TRMT44: variants seen among roughly 807,000 people sequenced by gnomAD.
TRMT44 encodes the protein probable tRNA (uracil-O(2)-)-methyltransferase.
In TRMT44, 78 loss-of-function variants were observed where a neutral mutation model predicts 77.3. That is an observed-to-expected ratio of 1.01 (90% CI 0.84 to 1.22). The LOEUF is 1.22. Ranked by LOEUF, TRMT44 falls within the 50% of genes most tolerant of loss-of-function variation. The probability of loss-of-function intolerance (pLI) is 0.00; values close to 1 mark genes in which losing one functional copy is unlikely to be tolerated. For synonymous variants in TRMT44, 391 were observed against 383.3 expected, an observed-to-expected ratio of 1.02 and a Z score of -0.23; for missense variants, 1,090 against 964.4, an observed-to-expected ratio of 1.13 and a Z score of -1.73.
intron 10 of TRMT44, among the ~76,000 whole-genome samples, chr4:8,475,082 A>T (rs1253237458): frequency 6.6e-6 from 1 of 152,102 alleles, no homozygotes; most frequent in Non-Finnish European, 1.5e-5. Context: ...GTTACTCCAC[A>T]CTTGCACCTG....
chr4:8,515,161 T>G, the TRMT44 span, among the ~76,000 whole-genome samples: 21 of 152,156 alleles, frequency 1.4e-4, no homozygotes, highest in African/African-American at 4.8e-4. Context: ...GAGACAGGAT[T>G]TCACCATGCT....
At chr4:8,475,672 G>C in intron 10 of TRMT44, 100 bp from the exon 11 acceptor site, 2 of 1,101,076 alleles carry the variant, frequency 1.8e-6, no homozygotes, top group Non-Finnish European at 2.7e-6. Context: ...CCCTGACCCT[G>C]GATTGGCACC....
At chr4:8,470,779 G>T (rs565624322) in intron 9 of TRMT44, 17 of 209,634 alleles carry the variant, frequency 8.1e-5, no homozygotes, top group Non-Finnish European at 1.5e-4. Context: ...TGGGTCACCA[G>T]TGAGAAGAGC....
chr4:8,448,036 A>G (rs1022233242), intron 2 of TRMT44, among the ~76,000 whole-genome samples: 1 of 152,086 alleles, frequency 6.6e-6, no homozygotes, highest in Non-Finnish European at 1.5e-5. Flanking sequence ...CCAGGGTGGC[A>G]TTTCTAGTCG....
intron 2 of TRMT44, among the ~76,000 whole-genome samples, chr4:8,491,712 C>T (rs1156956418): frequency 6.6e-6 from 1 of 152,234 alleles, no homozygotes; most frequent in Non-Finnish European, 1.5e-5. Flanking sequence ...GAGTGCAGGC[C>T]CGCCAAACCC....
At chr4:8,484,682 A>C (rs1351247295) in intron 2 of TRMT44, among the ~76,000 whole-genome samples, 4 of 152,220 alleles carry the variant, frequency 2.6e-5, no homozygotes. Flanking sequence ...AGTTGTCTTC[A>C]AGGAACAGAA....
chr4:8,494,496 C>T (rs1028486128), downstream of TRMT44, among the ~76,000 whole-genome samples: 3 of 152,256 alleles, frequency 2.0e-5, no homozygotes, highest in African/African-American at 7.2e-5. Flanking sequence ...AAAGACTGAT[C>T]GAGGACTCAA....
chr4:8,458,995 G>A (rs1025181943), intron 6 of TRMT44, among the ~76,000 whole-genome samples: 1 of 151,308 alleles, frequency 6.6e-6, no homozygotes, highest in Non-Finnish European at 1.5e-5. Context: ...GTCCAGGAGT[G>A]CGAGACCAGC....
chr4:8,448,519 TG>T (rs1306920070), intron 2 of TRMT44, among the ~76,000 whole-genome samples: 1 of 152,184 alleles, frequency 6.6e-6, no homozygotes, highest in East Asian at 1.9e-4. Context: ...TGGGGGACCC[TG>T]GGGAAGAGCA....
intron 2 of TRMT44, among the ~76,000 whole-genome samples, chr4:8,489,254 G>A (rs2688231): frequency 0.71 from 107,802 of 152,098 alleles, 39,087 homozygotes; most frequent in African/African-American, 0.86. Flanking sequence ...CAAGGCTGGT[G>A]TCCTGTCCTT....
At chr4:8,503,293 C>T in the TRMT44 span, among the ~76,000 whole-genome samples, 1 of 152,362 alleles carries the variant, frequency 6.6e-6, no homozygotes, top group South Asian at 2.1e-4. Context: ...CCCTACAGCC[C>T]CGGAAAGGGT....
At chr4:8,501,214 AGGG>A in the TRMT44 span, among the ~76,000 whole-genome samples, 1 of 152,136 alleles carries the variant, frequency 6.6e-6, no homozygotes, top group Non-Finnish European at 1.5e-5. The surrounding 1 kb of genome is among the most constrained non-coding windows in gnomAD (Gnocchi z 4.4). Context: ...GTGCATGTGC[AGGG>A]CGGGAGGTGG....
chr4:8,455,012 A>G (rs1725711594), intron 6 of TRMT44, 199 bp downstream of exon 6: 2 of 602,842 alleles, frequency 3.3e-6, no homozygotes, highest in Non-Finnish European at 5.8e-6. Context: ...GGTTAAACTG[A>G]CTGAAGGGCG....
At chr4:8,516,334 T>TCCTGACACCAGCTGTCCTGAGGACCCC in the TRMT44 span, among the ~76,000 whole-genome samples, 1 of 152,108 alleles carries the variant, frequency 6.6e-6, no homozygotes, top group African/African-American at 2.4e-5. Flanking sequence ...CCAAGGACAC[T>TCCTGACACCAGCTGTCCTGAGGACCCC]CCTGACACCA....
Position 8,489,634 on chromosome 4 carries a change from G to C in TRMT44, n.3892-3632G>C, listed in dbSNP as rs1159089013. On this transcript the variant is annotated intron_variant and non_coding_transcript_variant, in intron 2 of 2. Transcript: ENST00000511366. Reference sequence around the variant, plus strand: ...TGGGATTACAGGTGTTAGCCACCACGCCTGGCTAATTTTTTGTATTTTTAG... The same window carrying C: ...TGGGATTACAGGTGTTAGCCACCACCCCTGGCTAATTTTTTGTATTTTTAG... Among the ~76,000 whole-genome samples the C allele has an allele frequency of 4.6e-5, 7 of 152,128 alleles. No individual in the cohort carries two copies. In the East Asian group the frequency reaches 1.4e-3, roughly 29 times the overall value.
intron 10 of TRMT44, among the ~76,000 whole-genome samples, chr4:8,474,989 T>C (rs989057859): frequency 2.6e-5 from 4 of 152,210 alleles, no homozygotes; most frequent in Non-Finnish European, 2.9e-5. Flanking sequence ...TGGGTCCCAG[T>C]GGCACTTTCA....
chr4:8,489,580 G>T (rs572090210), intron 2 of TRMT44, among the ~76,000 whole-genome samples: 1 of 152,140 alleles, frequency 6.6e-6, no homozygotes, highest in Non-Finnish European at 1.5e-5. Context: ...AGGTTCAAGC[G>T]ATTCTCCTGC....
At chr4:8,442,037 T>C (rs964358154) in intron 1 of TRMT44, among the ~76,000 whole-genome samples, 1 of 152,246 alleles carries the variant, frequency 6.6e-6, no homozygotes, top group Admixed American at 6.5e-5. Context: ...TGTCGGAGAA[T>C]AACCAGTGGG....
the TRMT44 span, among the ~76,000 whole-genome samples, chr4:8,516,418 C>T: frequency 9.8e-5 from 15 of 152,338 alleles, no homozygotes; most frequent in Middle Eastern, 3.4e-3. Flanking sequence ...CATCTCCCTT[C>T]CCTGACCTGA....
Sources: allele counts gnomAD v4.1 joint callset (sites outside exome capture counted in the v4.1 genomes callset), GRCh38; gene constraint gnomAD v4.1.1; non-coding constraint Gnocchi (gnomAD v3.1); transcripts MANE v1.5; gene names NCBI Gene and HGNC (gene_info 2026-07-23, HGNC 2026-07-21).